The following FAM174A variants were observed in gnomAD, a reference collection of about 807,000 sequenced individuals.
The protein encoded by FAM174A is family with sequence similarity 174 member A.
A neutral mutation model predicts 14.3 loss-of-function variants in FAM174A; 14 were observed. The ratio of observed to expected loss-of-function variants is 0.98; its 90% CI spans 0.65 to 1.53. The LOEUF (loss-of-function observed/expected upper bound fraction) is 1.53, where lower values mean the gene tolerates loss of function less well. Among genes scored for constraint, FAM174A ranks in the 40% most tolerant of loss-of-function variants. The pLI, the probability that FAM174A is intolerant of heterozygous loss-of-function variation, is 0.00. For synonymous variants in FAM174A, 108 were observed against 111.4 expected, an observed-to-expected ratio of 0.97 and a Z score of 0.19; for missense variants, 241 against 249.6, an observed-to-expected ratio of 0.97 and a Z score of 0.23.
chr5:100,572,586 A>C (rs1270800557), intron 2 of FAM174A, among the ~76,000 whole-genome samples: 1 of 151,840 alleles, frequency 6.6e-6, no homozygotes, highest in African/African-American at 2.4e-5. Context: ...TGAACTCATC[A>C]TTTTTTATGG....
intron 1 of FAM174A, among the ~76,000 whole-genome samples, chr5:100,550,028 C>A (rs1746233681): frequency 6.6e-6 from 1 of 152,074 alleles, no homozygotes; most frequent in Non-Finnish European, 1.5e-5. Flanking sequence ...GCCAGTTTGG[C>A]TTTTGAAAGG....
At chr5:100,538,653 G>A (rs1207804016) in intron 1 of FAM174A, among the ~76,000 whole-genome samples, 1 of 152,048 alleles carries the variant, frequency 6.6e-6, no homozygotes, top group Admixed American at 6.5e-5. Context: ...TAAACATCAT[G>A]TGCAATATAT....
chr5:100,581,789 T>C (rs1358320742), intron 2 of FAM174A, among the ~76,000 whole-genome samples: 3 of 152,134 alleles, frequency 2.0e-5, no homozygotes, highest in Non-Finnish European at 2.9e-5. Flanking sequence ...ACTCAAGGAA[T>C]GAAATACTCT....
chr5:100,579,103 G>T (rs1746956777), intron 2 of FAM174A, among the ~76,000 whole-genome samples: 1 of 152,186 alleles, frequency 6.6e-6, no homozygotes, highest in African/African-American at 2.4e-5. Flanking sequence ...ATGTGTACTG[G>T]TAATCCATGT....
Position 100,552,572 on chromosome 5 carries a change from G to T in FAM174A, c.435-9482G>T, listed in dbSNP as rs550201167. Among the ~76,000 whole-genome samples the T allele has an allele frequency of 1.2e-4, 18 of 152,138 alleles. No individual in the cohort carries two copies. In the South Asian group the frequency reaches 3.5e-3, roughly 30 times the overall value. ...ATATCAGGCTACAGCAAGTTACATTGATTGGTGTTCTCCCTTTCATAGAGC... is the reference window on the plus strand; with the variant it reads ...ATATCAGGCTACAGCAAGTTACATTTATTGGTGTTCTCCCTTTCATAGAGC... On this transcript the variant is annotated intron_variant, in intron 1 of 2. Transcript: ENST00000312637.
Position 100,535,948 on chromosome 5 carries a change from G to T in FAM174A, c.418G>T (p.Val140Leu), listed in dbSNP as rs765617668. The T allele has an allele frequency of 3.1e-6, 5 of 1,593,162 alleles. No individual in the cohort carries two copies. Among genetic ancestry groups the T allele is most frequent in the Non-Finnish European group, 4.3e-6 (5 of 1,166,084 alleles). The change falls in exon 1 of 3, where the codon GTG becomes TTG. Residue 140 changes from valine to leucine, a missense_variant. By Grantham distance (32) the Val-to-Leu change is conservative. Transcript: ENST00000312637. ...GAGCGGCGCGGTGCTGGTGTACTTC[G>T]TGGTCAGGACGGTCAGGTGAGGCAA... Reference protein sequence around the residue: ...VVSGAVLVYFVVRTVRMRRRN... With the variant: ...VVSGAVLVYFLVRTVRMRRRN...
chr5:100,548,999 A>G (rs1485361717), intron 1 of FAM174A, among the ~76,000 whole-genome samples: 2 of 152,128 alleles, frequency 1.3e-5, no homozygotes, highest in African/African-American at 4.8e-5. Flanking sequence ...TGTATTATGT[A>G]TAACTTAAAT....
chr5:100,546,016 A>C (rs1746157556), intron 1 of FAM174A, among the ~76,000 whole-genome samples: 2 of 152,202 alleles, frequency 1.3e-5, no homozygotes, highest in African/African-American at 4.8e-5. Flanking sequence ...AAATTAGGAA[A>C]CTGATATGAG....
chr5:100,555,169 A>G (rs2112377584), intron 1 of FAM174A, among the ~76,000 whole-genome samples: 1 of 152,002 alleles, frequency 6.6e-6, no homozygotes, highest in East Asian at 1.9e-4. Context: ...ATGAGTGAGA[A>G]CATGCGGTGT....
At chr5:100,565,360 T>A (rs1746621180) in intron 2 of FAM174A, among the ~76,000 whole-genome samples, 1 of 151,868 alleles carries the variant, frequency 6.6e-6, no homozygotes, top group Non-Finnish European at 1.5e-5. Flanking sequence ...GCCAAGTAGA[T>A]AATCATCAGA....
chr5:100,569,271 A>G (rs965346917), intron 2 of FAM174A, among the ~76,000 whole-genome samples: 2 of 151,828 alleles, frequency 1.3e-5, no homozygotes, highest in African/African-American at 4.8e-5. Context: ...GTCATGCCAT[A>G]TATGTATGTA....
intron 2 of FAM174A, among the ~76,000 whole-genome samples, chr5:100,580,871 G>A (rs1030539430): frequency 2.0e-5 from 3 of 152,086 alleles, no homozygotes; most frequent in African/African-American, 7.2e-5. Flanking sequence ...GACCCACTAA[G>A]ATTATACCGT....
chr5:100,577,454 T>G (rs1242310666), intron 2 of FAM174A, among the ~76,000 whole-genome samples: 1 of 152,132 alleles, frequency 6.6e-6, no homozygotes, highest in Non-Finnish European at 1.5e-5. Flanking sequence ...CATTTTGTGC[T>G]CAATGCGATA....
intron 2 of FAM174A, among the ~76,000 whole-genome samples, chr5:100,582,433 A>G (rs1747039153): frequency 6.6e-6 from 1 of 152,008 alleles, no homozygotes; most frequent in East Asian, 1.9e-4. Flanking sequence ...ATTGATGATT[A>G]TAAAGGAAGA....
intron 1 of FAM174A, among the ~76,000 whole-genome samples, chr5:100,537,728 G>A (rs1745968360): frequency 6.6e-6 from 1 of 152,028 alleles, no homozygotes; most frequent in African/African-American, 2.4e-5. Flanking sequence ...AAAGAATATT[G>A]AAACAAATTA....
chr5:100,570,343 G>C (rs879945573), intron 2 of FAM174A, among the ~76,000 whole-genome samples: 5 of 151,888 alleles, frequency 3.3e-5, no homozygotes, highest in Admixed American at 2.6e-4. Context: ...GGCAGAACTC[G>C]ATCTGATTTT....
intron 1 of FAM174A, among the ~76,000 whole-genome samples, chr5:100,558,838 T>C (rs967804967): frequency 2.5e-4 from 38 of 152,258 alleles, no homozygotes; most frequent in African/African-American, 7.7e-4. Context: ...TTTCTCTGCA[T>C]GTGAGATGGG....
At chr5:100,568,424 G>A (rs1279375272) in intron 2 of FAM174A, among the ~76,000 whole-genome samples, 1 of 151,402 alleles carries the variant, frequency 6.6e-6, no homozygotes, top group African/African-American at 2.4e-5. Flanking sequence ...TTTGTTTCTG[G>A]GCCTTTCAGC....
At chr5:100,558,199 A>G (rs1013268057) in intron 1 of FAM174A, among the ~76,000 whole-genome samples, 1 of 152,192 alleles carries the variant, frequency 6.6e-6, no homozygotes, top group African/African-American at 2.4e-5. Context: ...TTATGTACCC[A>G]GTAGTCATTC....
Sources: gnomAD v4.1 joint callset for allele counts (sites outside exome capture counted in the v4.1 genomes callset) on GRCh38, gnomAD v4.1.1 for gene constraint, MANE v1.5 for transcripts, NCBI Gene and HGNC (gene_info 2026-07-23, HGNC 2026-07-21) for gene names.